The following CEMIP variants were observed in gnomAD, a reference collection of about 807,000 sequenced individuals.
CEMIP encodes the protein cell migration-inducing and hyaluronan-binding protein.
CEMIP carries 105 observed loss-of-function variants against 156.9 expected under a neutral mutation model. That is an observed-to-expected ratio of 0.67 (90% CI 0.57 to 0.79). The LOEUF (loss-of-function observed/expected upper bound fraction) is 0.79, where lower values mean the gene tolerates loss of function less well. CEMIP is among the 30% of genes least tolerant of loss of function. The probability of loss-of-function intolerance (pLI) is 0.00; values close to 1 mark genes in which losing one functional copy is unlikely to be tolerated. For missense variants in CEMIP, 1,457 were observed against 1,769.4 expected, an observed-to-expected ratio of 0.82 and a Z score of 3.17; for synonymous variants, 676 against 668.4, an observed-to-expected ratio of 1.01 and a Z score of -0.17.
chr15:80,821,453 A>G (rs2141654125), intron 1 of CEMIP, among the ~76,000 whole-genome samples: 1 of 152,342 alleles, frequency 6.6e-6, no homozygotes, highest in Middle Eastern at 3.4e-3. Context: ...TCTGGCAACT[A>G]CGTGGATTGG....
intron 1 of CEMIP, among the ~76,000 whole-genome samples, chr15:80,791,242 T>C (rs1896074278): frequency 6.6e-6 from 1 of 152,092 alleles, no homozygotes; most frequent in South Asian, 2.1e-4. Flanking sequence ...GAGTGAAGTG[T>C]GTGATCAATT....
At chr15:80,815,128 T>C (rs1896761687) in intron 1 of CEMIP, among the ~76,000 whole-genome samples, 1 of 152,244 alleles carries the variant, frequency 6.6e-6, no homozygotes, top group Admixed American at 6.5e-5. Context: ...ATATATACCC[T>C]GCATGTAAGA....
At chr15:80,807,630 C>G (rs924154813) in intron 1 of CEMIP, among the ~76,000 whole-genome samples, 1 of 152,178 alleles carries the variant, frequency 6.6e-6, no homozygotes, top group African/African-American at 2.4e-5. Flanking sequence ...GTGCATGGTA[C>G]TGTAGTCAGT....
intron 1 of CEMIP, among the ~76,000 whole-genome samples, chr15:80,809,681 A>G (rs955873955): frequency 9.2e-5 from 14 of 152,312 alleles, no homozygotes; most frequent in African/African-American, 2.9e-4. Flanking sequence ...TCTAGAGGCT[A>G]TGGGGGAAAA....
At chr15:80,835,334 G>T (rs543868950) in intron 1 of CEMIP, among the ~76,000 whole-genome samples, 33 of 152,302 alleles carry the variant, frequency 2.2e-4, no homozygotes, top group Non-Finnish European at 3.2e-4. Flanking sequence ...TAGTACCATC[G>T]CTGAGTTCCA....
chr15:80,808,352 C>T (rs1339160962), intron 1 of CEMIP, among the ~76,000 whole-genome samples: 10 of 152,160 alleles, frequency 6.6e-5, no homozygotes, highest in Non-Finnish European at 2.9e-5. Context: ...AGCGCATCTG[C>T]CCCCCACTGC....
intron 6 of CEMIP, among the ~76,000 whole-genome samples, chr15:80,881,854 G>C (rs1360093369): frequency 6.6e-6 from 1 of 152,242 alleles, no homozygotes; most frequent in Non-Finnish European, 1.5e-5. Flanking sequence ...GTCTAGGCAA[G>C]ACATGGCAGT....
At chr15:80,929,313 G>A (rs1445065337) in intron 21 of CEMIP, 139 bp downstream of exon 21, 3 of 1,110,300 alleles carry the variant, frequency 2.7e-6, no homozygotes, top group Non-Finnish European at 4.1e-6. Flanking sequence ...TGAGGTGACT[G>A]AGACTAACAA....
In CEMIP at chr15:80,895,888, C is replaced by T. The variant is rs765043598; in HGVS notation, c.1239C>T (p.Val413=). The change falls in exon 12 of 30, where the codon GTC becomes GTT. Residue 413 remains valine (V), a synonymous_variant. Transcript: ENST00000394685. ...TTACAGTGAGGCCCAAACTCACAGT[C>T]ACCATTGACACCAATGTGAACAGCA... The part of the protein sequence containing the change: ...CGKPVRPKLT[V]TIDTNVNSTI... 1.2e-6 allele frequency: 2 copies of T among 1,614,174 alleles called. No homozygotes were observed. The highest frequency in any genetic ancestry group is 4.5e-5 in the East Asian group (2 of 44,872).
At chr15:80,797,634 G>T (rs148445769) in intron 1 of CEMIP, among the ~76,000 whole-genome samples, 68 of 141,588 alleles carry the variant, frequency 4.8e-4, no homozygotes, top group African/African-American at 1.7e-3. Context: ...TAGAAGAAAC[G>T]TACAAAAACT....
At chr15:80,883,425 C>A (rs1898730899) in intron 6 of CEMIP, among the ~76,000 whole-genome samples, 1 of 152,124 alleles carries the variant, frequency 6.6e-6, no homozygotes, top group South Asian at 2.1e-4. Flanking sequence ...GGATAGTACA[C>A]TTAAAATTTT....
rs369462089 is a variant in CEMIP, at chr15:80,896,035, C to T, written c.1386C>T (p.Cys462=). ...EEFQVLPCRS[C]APNQVKVAGK... The stretch of plus-strand genomic sequence containing the variant: ...TCCAGGTGCTTCCCTGCAGATCCTG[C>T]GCCCCCAACCAGGTCAAAGTGGCAG... Residue 462 remains cysteine, a synonymous_variant, in exon 12 of 30, where the codon TGC becomes TGT. Coordinates refer to ENST00000394685, the MANE Select transcript of CEMIP (RefSeq NM_001293298.2). 7.0e-5 allele frequency: 113 copies of T among 1,613,984 alleles called. No homozygotes were observed. The highest frequency in any genetic ancestry group is 2.7e-4 in the Admixed American group (16 of 60,008).
chr15:80,817,709 T>G (rs924741809), intron 1 of CEMIP, among the ~76,000 whole-genome samples: 1 of 151,890 alleles, frequency 6.6e-6, no homozygotes, highest in Non-Finnish European at 1.5e-5. Context: ...TCCTGACAAC[T>G]GCTGCAAAGA....
At chr15:80,793,655 A>G (rs963373113) in intron 1 of CEMIP, among the ~76,000 whole-genome samples, 2 of 152,182 alleles carry the variant, frequency 1.3e-5, no homozygotes, top group East Asian at 1.9e-4. Flanking sequence ...AACAAAGTTG[A>G]CCTGTTTTCA....
intron 1 of CEMIP, among the ~76,000 whole-genome samples, chr15:80,801,548 G>A (rs1401907927): frequency 1.3e-5 from 2 of 152,198 alleles, no homozygotes; most frequent in Non-Finnish European, 2.9e-5. Context: ...CTTTCTTTTG[G>A]CTGAAGCCAG....
rs558742223 is a variant in CEMIP at position 80,833,446 on chromosome 15, C to T, written c.-175-40092C>T. Among the ~76,000 whole-genome samples, 3 of 152,300 alleles carry T rather than the reference C, an allele frequency of 2.0e-5. No individual in the cohort carries two copies. In the South Asian group the frequency reaches 6.2e-4, roughly 32 times the overall value. ...AATTCTCATTTTTGAAACGTAAGAA[C>T]TCAGAATTTACTCAGAAGTAAATTT... is the stretch of plus-strand genomic sequence containing the variant. On this transcript the variant is annotated intron_variant, in intron 1 of 29. Transcript: ENST00000394685.
intron 1 of CEMIP, among the ~76,000 whole-genome samples, chr15:80,843,506 C>T (rs1424669247): frequency 3.9e-5 from 6 of 152,196 alleles, no homozygotes; most frequent in African/African-American, 1.2e-4. Context: ...ACACCCACTC[C>T]CACTCTGAAA....
At position 80,879,334 on chromosome 15, in the gene CEMIP, TC is replaced by T. The variant is rs1743180444; in HGVS notation, c.242-381del. ...CCGAACATGTACAGATTTTTCCTTG[TC>T]ATTATTTCCTTAAAATACAGTTTGA... On this transcript the variant is annotated intron_variant, in intron 4 of 29. Transcript: ENST00000394685. Among the ~76,000 whole-genome samples, 4 of 152,382 alleles carry T rather than the reference TC, an allele frequency of 2.6e-5. No homozygotes were observed. In the South Asian group the frequency reaches 8.3e-4, roughly 32 times the overall value.
chr15:80,806,553 A>G (rs921279943), intron 1 of CEMIP, among the ~76,000 whole-genome samples: 1 of 152,188 alleles, frequency 6.6e-6, no homozygotes, highest in East Asian at 1.9e-4. Context: ...TTATTCACTA[A>G]ATATGTGTGA....
Sources: gnomAD v4.1 joint callset for allele counts (sites outside exome capture counted in the v4.1 genomes callset) on GRCh38, gnomAD v4.1.1 for gene constraint, MANE v1.5 for transcripts, NCBI Gene and HGNC (gene_info 2026-07-23, HGNC 2026-07-21) for gene names.